The following LRRC66 variants were observed in gnomAD, a reference collection of about 807,000 sequenced individuals.
LRRC66 encodes leucine-rich repeat-containing protein 66.
Under a neutral mutation model 24.6 loss-of-function variants are expected in LRRC66, and 29 were observed. The ratio of observed to expected loss-of-function variants is 1.18; its 90% CI spans 0.88 to 1.61. LRRC66 has a LOEUF of 1.61. LRRC66 is among the 40% of genes most tolerant of loss of function. LRRC66 has a pLI of 0.00. For missense variants in LRRC66, 1,124 were observed against 1,058.0 expected, an observed-to-expected ratio of 1.06 and a Z score of -0.87; for synonymous variants, 411 against 397.6, an observed-to-expected ratio of 1.03 and a Z score of -0.40.
Position 51,994,449 on chromosome 4 carries a change from C to T in LRRC66, c.2573G>A (p.Cys858Tyr), listed in dbSNP as rs770316824. 6 of 1,614,122 alleles carry T rather than the reference C, an allele frequency of 3.7e-6. No homozygotes were observed. The South Asian group carries it at 6.6e-5, about 18-fold the overall frequency. The change falls in exon 5 of 5, where the codon TGT becomes TAT. Residue 858 changes from cysteine (C) to tyrosine (Y), a missense_variant. By Grantham distance (194) the Cys-to-Tyr change is radical (BLOSUM62 -2). Coordinates refer to ENST00000682860, the MANE Select transcript of LRRC66 (RefSeq NM_001024611.3). Reference sequence around the variant, plus strand: ...AGGATCTGAGGGAACTTCAGCAGAACATGGTGGTGTTTGCTGTAAAACGTC... The same window carrying T: ...AGGATCTGAGGGAACTTCAGCAGAATATGGTGGTGTTTGCTGTAAAACGTC... ...NVDVLQQTPPCSAEVPSDPDK... is the reference protein window; with the variant it reads ...NVDVLQQTPPYSAEVPSDPDK...
chr4:52,014,436 A>C (rs1736767818), intron 2 of LRRC66, among the ~76,000 whole-genome samples: 2 of 152,240 alleles, frequency 1.3e-5, no homozygotes, highest in African/African-American at 4.8e-5. Flanking sequence ...ATTATGCCAA[A>C]TACCATGTTA....
rs766053328 is a variant in LRRC66, at chr4:52,017,411, C to T, written c.203G>A (p.Ser68Asn). 3 of 1,614,154 alleles carry T rather than the reference C, an allele frequency of 1.9e-6. No individual in the cohort carries two copies. The highest frequency in any genetic ancestry group is 2.2e-5 in the South Asian group (2 of 91,080). The change falls in exon 2 of 5, where the codon AGT becomes AAT. Residue 68 changes from serine to asparagine, a missense_variant. Ser to Asn is a conservative substitution (Grantham distance 46, BLOSUM62 1). Transcript: ENST00000682860. ...TAAGAGAACTCTAAAGAAATTGAAA[C>T]TTACATCCACAGTGGCTGCTGTCTG... ...ISQTAATVDV[S>N]FNFFRVLLQS...
At chr4:52,019,732 G>GT (rs1736900560) in intron 1 of LRRC66, among the ~76,000 whole-genome samples, 1 of 152,160 alleles carries the variant, frequency 6.6e-6, no homozygotes, top group African/African-American at 2.4e-5. Flanking sequence ...CCAAGCTAAT[G>GT]TAACAAAATC....
In LRRC66 at chr4:51,995,581, C is replaced by A; in HGVS notation, c.1441G>T (p.Asp481Tyr). The A allele has an allele frequency of 6.2e-7, 1 of 1,614,116 alleles. No individual in the cohort carries two copies. Residue 481 changes from aspartate to tyrosine, a missense_variant, in exon 5 of 5, where the codon GAT (aspartate) becomes TAT (tyrosine). Transcript: ENST00000682860. ...CCTGGGCTCTGCGAACTGCCAGGAT[C>A]CTTTCTGCTCCTTCCCAGAGTTCTA... ...PDRTLGRSRKDPGSSQSPGQC... is the reference protein window; with the variant it reads ...PDRTLGRSRKYPGSSQSPGQC...
chr4:52,004,018 T>TC (rs1736516328), intron 2 of LRRC66, among the ~76,000 whole-genome samples: 1 of 152,188 alleles, frequency 6.6e-6, no homozygotes, highest in African/African-American at 2.4e-5. Flanking sequence ...TATTTTTTTT[T>TC]CTGAGACAGA....
intron 2 of LRRC66, among the ~76,000 whole-genome samples, chr4:52,009,813 G>C (rs1736662059): frequency 6.6e-6 from 1 of 152,106 alleles, no homozygotes; most frequent in Non-Finnish European, 1.5e-5. Flanking sequence ...AGACGGAAGA[G>C]GAATAAATAT....
intron 4 of LRRC66, 101 bp from the exon 5 acceptor site, chr4:51,996,266 G>C: frequency 1.7e-6 from 2 of 1,169,332 alleles, no homozygotes; most frequent in Non-Finnish European, 2.4e-6. Context: ...CAATTTTTTT[G>C]AATTTTGAAT....
At chr4:52,004,884 T>G (rs1006838889) in intron 2 of LRRC66, among the ~76,000 whole-genome samples, 1 of 152,226 alleles carries the variant, frequency 6.6e-6, no homozygotes, top group African/African-American at 2.4e-5. Flanking sequence ...AGGACAAGTA[T>G]GGACAGCATA....
At chr4:52,018,477 GA>G in intron 1 of LRRC66, 1 of 985,388 alleles carries the variant, frequency 1.0e-6, no homozygotes, top group Non-Finnish European at 1.2e-6. Flanking sequence ...GAGTTTCCAA[GA>G]AATTGTCCCT....
intron 3 of LRRC66, 96 bp downstream of exon 3, chr4:52,003,127 T>TA (rs1736492739): frequency 1.1e-6 from 1 of 932,824 alleles, no homozygotes; most frequent in Non-Finnish European, 1.6e-6. Context: ...TAGCCAGTAC[T>TA]ACTGGACATG....
chr4:52,016,461 T>C (rs556843366), intron 2 of LRRC66, among the ~76,000 whole-genome samples: 1 of 152,322 alleles, frequency 6.6e-6, no homozygotes, highest in South Asian at 2.1e-4. Flanking sequence ...TTTTGCTTTA[T>C]GAACTTGATA....
chr4:52,017,241 A>G lies in LRRC66; in HGVS notation c.373T>C (p.Ser125Pro), dbSNP rs896666517. 6.2e-7 allele frequency: 1 copy of G among 1,614,168 alleles called. No homozygotes were observed. Among genetic ancestry groups the G allele is most frequent in the Non-Finnish European group, 8.5e-7 (1 of 1,180,014 alleles). ...NLSNNAIHSLSLDLLSPKSSW... is the reference protein window; with the variant it reads ...NLSNNAIHSLPLDLLSPKSSW... ...GACTTAGGACTGAGTAGATCCAATG[A>G]GAGGGAGTGGATGGCATTGTTGCTG... The change falls in exon 2 of 5, where the codon TCA becomes CCA. Residue 125 changes from serine (S) to proline (P), a missense_variant. Ser to Pro is a moderately conservative substitution (Grantham distance 74). Transcript: ENST00000682860.
Position 51,994,374 on chromosome 4 carries a change from G to C in LRRC66, c.*5C>G. On this transcript the variant is annotated 3_prime_UTR_variant, in exon 5 of 5. Coordinates refer to ENST00000682860, the MANE Select transcript of LRRC66 (RefSeq NM_001024611.3). ...AGCTGTGAATATTTCCTTAATGAAA[G>C]ATTCTTATTTTAAAATGTCTGAGTC... The C allele has an allele frequency of 6.3e-7, 1 of 1,597,146 alleles. No individual in the cohort carries two copies. The highest frequency in any genetic ancestry group is 8.5e-7 in the Non-Finnish European group (1 of 1,171,726).
At chr4:52,016,929 A>C (rs952145644) in intron 2 of LRRC66, among the ~76,000 whole-genome samples, 189 bp downstream of exon 2, 1 of 152,202 alleles carries the variant, frequency 6.6e-6, no homozygotes, top group Non-Finnish European at 1.5e-5. Flanking sequence ...TGGGAGACTA[A>C]ATTTCATTAG....
intron 1 of LRRC66, chr4:52,018,437 G>T (rs1736867011): frequency 3.0e-6 from 3 of 985,362 alleles, no homozygotes; most frequent in Non-Finnish European, 3.6e-6. Flanking sequence ...AAGCCACTGT[G>T]TGTACAAATA....
intron 3 of LRRC66, among the ~76,000 whole-genome samples, chr4:52,001,194 G>A (rs878926359): frequency 1.3e-5 from 2 of 152,200 alleles, no homozygotes; most frequent in African/African-American, 4.8e-5. Flanking sequence ...TAAGTGCAAT[G>A]AGAGGAAACG....
At chr4:52,004,274 C>T (rs1736525202) in intron 2 of LRRC66, among the ~76,000 whole-genome samples, 1 of 152,242 alleles carries the variant, frequency 6.6e-6, no homozygotes, top group Non-Finnish European at 1.5e-5. Context: ...TCCCAAAGTG[C>T]TGGGATTACA....
chr4:52,005,475 A>T (rs570003295), intron 2 of LRRC66, among the ~76,000 whole-genome samples: 1 of 152,132 alleles, frequency 6.6e-6, no homozygotes, highest in African/African-American at 2.4e-5. Flanking sequence ...CTCTACTAAA[A>T]ATACAAAAAT....
intron 2 of LRRC66, among the ~76,000 whole-genome samples, chr4:52,011,601 G>A (rs1405332614): frequency 6.6e-6 from 1 of 152,130 alleles, no homozygotes; most frequent in African/African-American, 2.4e-5. Flanking sequence ...TTACAGCAAA[G>A]ACCAGGGCAG....
Sources: gnomAD v4.1 joint callset for allele counts (sites outside exome capture counted in the v4.1 genomes callset) on GRCh38, gnomAD v4.1.1 for gene constraint, MANE v1.5 for transcripts, NCBI Gene and HGNC (gene_info 2026-07-23, HGNC 2026-07-21) for gene names.